Variants in LONRF1 observed in about 807,000 individuals in gnomAD.
LONRF1 encodes the protein LON peptidase N-terminal domain and ring finger 1.
LONRF1 carries 37 observed loss-of-function variants against 85.8 expected under a neutral mutation model. That is an observed-to-expected ratio of 0.43 (90% CI 0.33 to 0.57). LONRF1 has a LOEUF of 0.57. Ranked by LOEUF, LONRF1 falls within the 20% of genes least tolerant of loss-of-function variation. The pLI is 0.04. For missense variants in LONRF1, 1,036 were observed against 978.0 expected (o/e 1.06, Z -0.79); for synonymous variants, 517 against 390.1 (o/e 1.33, Z -3.83).
chr8:12,754,419 G>A, intron 1 of LONRF1: 1 of 289,722 alleles, frequency 3.5e-6, no homozygotes, highest in Non-Finnish European at 6.3e-6. Context: ...CCGGGAGCGC[G>A]CGCCCGACAG....
In LONRF1 at chr8:12,740,925, C is replaced by A. The variant is rs1046291745; in HGVS notation, c.912G>T (p.Gln304His). 6.2e-7 allele frequency: 1 copy of A among 1,613,538 alleles called. No individual in the cohort carries two copies. Among genetic ancestry groups the A allele is most frequent in the Admixed American group, 1.7e-5 (1 of 59,984 alleles). Reference sequence around the variant, plus strand: ...CAAAATCTTCATCAAGGGCTAAGCACTGAAGAAAGAGTTGTAAGGCATCAC... The same window carrying A: ...CAAAATCTTCATCAAGGGCTAAGCAATGAAGAAAGAGTTGTAAGGCATCAC... ...FLGDALQLFL[Q>H]CLALDEDFAP... is the part of the protein sequence containing the mutation. The change falls in exon 3 of 12, where the codon CAG (glutamine) becomes CAT (histidine). Residue 304 changes from glutamine to histidine, a missense_variant. Transcript: ENST00000398246.
Position 12,755,110 on chromosome 8 carries a change from C to A in LONRF1, c.311G>T (p.Gly104Val). The change falls in exon 1 of 12, where the codon GGC becomes GTC. Residue 104 changes from glycine (G) to valine (V), a missense_variant. Coordinates refer to ENST00000398246, the MANE Select transcript of LONRF1 (RefSeq NM_152271.5). ...GCCTGCAACCGGGGCCGCGCTCCAG[C>A]CCAGCCCGTGGCGGAGCCGGTAGTT... ...VFNYRLRHGL[G>V]WSAAPVAGAD... 1 of 1,462,554 alleles carries A rather than the reference C, an allele frequency of 6.8e-7. No homozygotes were observed. Among genetic ancestry groups the A allele is most frequent in the Non-Finnish European group, 9.0e-7 (1 of 1,111,836 alleles). The allele number at this position is 1,462,554 out of a possible 1,614,324, so 90.6% of individuals were successfully genotyped here.
In LONRF1 at chr8:12,737,004, A is replaced by G. The variant is rs1798743353; in HGVS notation, c.1250T>C (p.Leu417Pro). ...CAGAACACCTTTTTCTTGAACTGAC[A>G]GAACAGGTTCTGAGGACACTCTTTT... is the stretch of plus-strand genomic sequence containing the variant. ...CLKRVSSEPV[L>P]SVQEKGVLLK... The change falls in exon 5 of 12, where the codon CTG becomes CCG. Residue 417 changes from leucine (L) to proline (P), a missense_variant. This residue lies in a region of LONRF1 where 742 missense variants were observed against 614.4 expected (regional missense o/e 1.21). Transcript: ENST00000398246. The G allele has an allele frequency of 6.2e-7, 1 of 1,613,568 alleles. No homozygotes were observed. The highest frequency in any genetic ancestry group is 1.7e-5 in the Admixed American group (1 of 59,952).
intron 3 of LONRF1, among the ~76,000 whole-genome samples, chr8:12,740,110 A>G (rs376786834): frequency 9.0e-4 from 137 of 152,200 alleles, no homozygotes; most frequent in African/African-American, 3.2e-3. Context: ...GATTCTGACA[A>G]AAAGCCACAC....
rs1799607602 is a variant in LONRF1, at chr8:12,755,440, C to T, written c.-20G>A. The T allele has an allele frequency of 8.1e-6, 9 of 1,109,570 alleles. No homozygotes were observed. The highest frequency in any genetic ancestry group is 1.7e-5 in the African/African-American group (1 of 59,880). The allele number at this position is 1,109,570 out of a possible 1,614,324, so 68.7% of individuals were successfully genotyped here. ...GGACATGGCCCGCGGAGGGCTGCGC[C>T]GCCGCCGCCCGCCGCCACGGTCCCG... On this transcript the variant is annotated 5_prime_UTR_variant, in exon 1 of 12. Transcript: ENST00000398246.
chr8:12,725,008 C>T (rs1335343027), intron 11 of LONRF1, among the ~76,000 whole-genome samples: 1 of 152,210 alleles, frequency 6.6e-6, no homozygotes, highest in African/African-American at 2.4e-5. Context: ...AATCTATCAC[C>T]TTCTGATCAA....
At position 12,754,920 on chromosome 8, in the gene LONRF1, G is replaced by A; in HGVS notation, c.501C>T (p.Ala167=). ...CGGTCCCTTCAGCATCAGTGGCACT[G>A]GCGGTGGCGGGCGGCAGCCGGTCCC... ...LCRDRLPPAT[A]SATDAEGTAP... The change falls in exon 1 of 12, where the codon GCC becomes GCT. Residue 167 remains alanine (A), a synonymous_variant. Transcript: ENST00000398246. 6.7e-7 allele frequency: 1 copy of A among 1,490,308 alleles called. No homozygotes were observed. The highest frequency in any genetic ancestry group is 1.3e-5 in the South Asian group (1 of 79,232). The allele number at this position is 1,490,308 out of a possible 1,614,324, so 92.3% of individuals were successfully genotyped here. A position where few individuals can be genotyped will look rare whatever the true frequency, so the allele number is the denominator to read the frequency against.
intron 7 of LONRF1, among the ~76,000 whole-genome samples, chr8:12,733,423 T>C (rs939638247): frequency 1.3e-5 from 2 of 152,162 alleles, no homozygotes; most frequent in South Asian, 4.1e-4. Context: ...CCCAAAAATT[T>C]AACCTAAGGA....
chr8:12,733,627 G>A (rs188750570), intron 7 of LONRF1, among the ~76,000 whole-genome samples: 3 of 152,192 alleles, frequency 2.0e-5, no homozygotes, highest in Non-Finnish European at 4.4e-5. Context: ...ACATAAAGAT[G>A]CATAAAATCA....
chr8:12,755,324 C>G lies in LONRF1; in HGVS notation c.97G>C (p.Gly33Arg). Reference sequence around the variant, plus strand: ...GCGCGCTCCAGCCGATGGCCGCTGCCGCCGCCCACTTCCCAGAACCGGCCT... The same window carrying G: ...GCGCGCTCCAGCCGATGGCCGCTGCGGCCGCCCACTTCCCAGAACCGGCCT... Reference protein sequence around the residue: ...GRGRFWEVGGGSGHRLERAAA... With the variant: ...GRGRFWEVGGRSGHRLERAAA... The change falls in exon 1 of 12, where the codon GGC (glycine) becomes CGC (arginine). Residue 33 changes from glycine to arginine, a missense_variant. Physicochemically the swap from Gly to Arg is moderately radical, Grantham distance 125. Around this residue, in one of 3 missense-constraint regions of LONRF1, gnomAD observed 742 missense variants for 614.4 expected, o/e 1.21. Transcript: ENST00000398246. The G allele has an allele frequency of 8.0e-7, 1 of 1,255,146 alleles. No homozygotes were observed. The highest frequency in any genetic ancestry group is 1.0e-6 in the Non-Finnish European group (1 of 995,558). 77.8% of individuals were successfully genotyped at this position (1,255,146 alleles called of 1,614,324 possible). A position where few individuals can be genotyped will look rare whatever the true frequency, so the allele number is the denominator to read the frequency against.
At position 12,754,816 on chromosome 8, in the gene LONRF1, T is replaced by C; in HGVS notation, c.605A>G (p.Glu202Gly). 2 of 1,490,296 alleles carry C rather than the reference T, an allele frequency of 1.3e-6. No individual in the cohort carries two copies. The highest frequency in any genetic ancestry group is 1.8e-6 in the Non-Finnish European group (2 of 1,125,854). 92.3% of individuals were successfully genotyped at this position (1,490,296 alleles called of 1,614,324 possible). The change falls in exon 1 of 12, where the codon GAG becomes GGG. Residue 202 changes from glutamate to glycine, a missense_variant. Transcript: ENST00000398246. Reference protein sequence around the residue: ...RTSVVLNHLAEKWFPGQRERA... With the variant: ...RTSVVLNHLAGKWFPGQRERA... The stretch of plus-strand genomic sequence containing the variant: ...CTCGCGCTGGCCCGGAAACCACTTC[T>C]CGGCCAGGTGGTTGAGGACGACGCT...
At chr8:12,736,671 T>G (rs1798726221) in intron 6 of LONRF1, 30 bp downstream of exon 6, 1 of 1,424,290 alleles carries the variant, frequency 7.0e-7, no homozygotes, top group Non-Finnish European at 9.8e-7. Flanking sequence ...ACATAAAATA[T>G]TCATCTTCTA....
At chr8:12,743,369 G>T in intron 1 of LONRF1, 87 bp from the exon 2 acceptor site, 1 of 860,994 alleles carries the variant, frequency 1.2e-6, no homozygotes, top group South Asian at 1.7e-5. Flanking sequence ...ATTAAGAAAT[G>T]ACTTAGTGAT....
chr8:12,730,806 C>T (rs1181121907), intron 8 of LONRF1, among the ~76,000 whole-genome samples: 1 of 152,146 alleles, frequency 6.6e-6, no homozygotes, highest in African/African-American at 2.4e-5. Context: ...ACCTGGCTCA[C>T]TGAAGACATC....
chr8:12,729,364 C>A, intron 8 of LONRF1, 32 bp from the exon 9 acceptor site: 1 of 1,602,216 alleles, frequency 6.2e-7, no homozygotes, highest in South Asian at 1.1e-5. Context: ...TATTAGAATT[C>A]ATACAAGAAA....
chr8:12,755,499 C>T lies in LONRF1; in HGVS notation c.-79G>A. The stretch of plus-strand genomic sequence containing the variant: ...CGGGCGCGCGGCTCCGCACGCGGCC[C>T]GCGAGCAGGGGGGCGTGGCGCGCGG... On this transcript the variant is annotated 5_prime_UTR_variant, in exon 1 of 12. Transcript: ENST00000398246. 2.7e-6 allele frequency: 2 copies of T among 743,754 alleles called. No homozygotes were observed. Among genetic ancestry groups the T allele is most frequent in the Non-Finnish European group, 3.3e-6 (2 of 604,964 alleles). 46.1% of individuals were successfully genotyped at this position (743,754 alleles called of 1,614,324 possible).
Position 12,722,833 on chromosome 8 carries a change from T to G in LONRF1, c.*263A>C. 6.6e-6 allele frequency: 2 copies of G among 302,144 alleles called. No individual in the cohort carries two copies. The allele number at this position is 302,144 out of a possible 1,614,324, so 18.7% of individuals were successfully genotyped here. The stretch of plus-strand genomic sequence containing the variant: ...ACAGACATAAAGAGTTCTTATTTCA[T>G]TTTAGAGTATGGTACATAGTGCAAC... On this transcript the variant is annotated 3_prime_UTR_variant, in exon 12 of 12. Coordinates refer to ENST00000398246, the MANE Select transcript of LONRF1 (RefSeq NM_152271.5).
chr8:12,730,310 C>T (rs1443411535), intron 8 of LONRF1, among the ~76,000 whole-genome samples: 1 of 152,202 alleles, frequency 6.6e-6, no homozygotes, highest in Non-Finnish European at 1.5e-5. Flanking sequence ...CCTATTTATA[C>T]ATACTACATT....
chr8:12,732,273 C>T (rs1463650908), intron 7 of LONRF1, among the ~76,000 whole-genome samples: 1 of 152,188 alleles, frequency 6.6e-6, no homozygotes, highest in Non-Finnish European at 1.5e-5. Flanking sequence ...TTAAGAAAAG[C>T]AAAACATCTG....
Sources: gnomAD v4.1 joint callset for allele counts (sites outside exome capture counted in the v4.1 genomes callset) on GRCh38, gnomAD v4.1.1 for gene constraint, gnomAD v4.1.1 regional missense constraint, MANE v1.5 for transcripts, NCBI Gene and HGNC (gene_info 2026-07-23, HGNC 2026-07-21) for gene names.